POMK: variants seen among roughly 807,000 people sequenced by gnomAD.
POMK encodes protein O-mannose kinase.
POMK carries 19 observed loss-of-function variants against 23.0 expected under a neutral mutation model. The observed-to-expected ratio is 0.83, with a 90% confidence interval of 0.58 to 1.21. The LOEUF (loss-of-function observed/expected upper bound fraction) is 1.21, where lower values mean the gene tolerates loss of function less well. POMK is among the 50% of genes most tolerant of loss of function. The pLI, the probability that POMK is intolerant of heterozygous loss-of-function variation, is 0.00. For synonymous variants in POMK, 173 were observed against 171.6 expected (o/e 1.01, Z -0.06); for missense variants, 410 against 431.3 (o/e 0.95, Z 0.44).
At chr8:43,094,150 G>A (rs1811282897) in intron 1 of POMK, among the ~76,000 whole-genome samples, 1 of 152,210 alleles carries the variant, frequency 6.6e-6, no homozygotes, top group South Asian at 2.1e-4. Context: ...CTGGAGTGTA[G>A]TGGCGCGGTC....
intron 4 of POMK, among the ~76,000 whole-genome samples, chr8:43,114,410 G>C (rs937089584): frequency 6.6e-6 from 1 of 152,210 alleles, no homozygotes; most frequent in South Asian, 2.1e-4. Flanking sequence ...AGGACCCTCC[G>C]AGCCACGTGC....
chr8:43,122,998 A>G lies in POMK; in HGVS notation c.*121A>G, dbSNP rs914043427. ...TTATTGTTTTTTTTATGGCTTAGCC[A>G]TGTGGTTCGTTGTCCACATCCACAT... On this transcript the variant is annotated 3_prime_UTR_variant, in exon 5 of 5. Coordinates refer to ENST00000331373, the MANE Select transcript of POMK (RefSeq NM_032237.5). 6 of 864,142 alleles carry G rather than the reference A, an allele frequency of 6.9e-6. No individual in the cohort carries two copies. The highest frequency in any genetic ancestry group is 1.7e-5 in the African/African-American group (1 of 58,988). The allele number at this position is 864,142 out of a possible 1,614,324, so 53.5% of individuals were successfully genotyped here.
intron 4 of POMK, among the ~76,000 whole-genome samples, chr8:43,109,718 T>G (rs898053279): frequency 1.3e-5 from 2 of 152,000 alleles, no homozygotes; most frequent in African/African-American, 4.8e-5. Context: ...AATTTTTGTA[T>G]TTTTAGTAGA....
rs780450892 is a variant in POMK at position 43,103,608 on chromosome 8, T to C, written c.60T>C (p.Ala20=). The C allele has an allele frequency of 1.9e-6, 3 of 1,612,888 alleles. No homozygotes were observed. Among genetic ancestry groups the C allele is most frequent in the South Asian group, 2.2e-5 (2 of 91,048 alleles). ...TCGCCCCCCGAGAGGTGCCGCCAGC[T>C]GTTGGGCTGCTGCTGATCATGGCCC... ...RGLAPREVPP[A]VGLLLIMALM... Residue 20 remains alanine, a synonymous_variant, in exon 4 of 5, where the codon GCT becomes GCC. Coordinates refer to ENST00000331373, the MANE Select transcript of POMK (RefSeq NM_032237.5).
chr8:43,095,069 T>C (rs1811306119), intron 1 of POMK, among the ~76,000 whole-genome samples: 1 of 152,192 alleles, frequency 6.6e-6, no homozygotes, highest in African/African-American at 2.4e-5. Flanking sequence ...AAGTCTTCTT[T>C]AAGAAACCGG....
At chr8:43,105,140 C>G (rs1811520725) in intron 4 of POMK, among the ~76,000 whole-genome samples, 1 of 152,168 alleles carries the variant, frequency 6.6e-6, no homozygotes, top group Admixed American at 6.5e-5. Flanking sequence ...GTTAGCGGAT[C>G]AGGGCATATC....
intron 2 of POMK, among the ~76,000 whole-genome samples, chr8:43,099,816 G>A (rs1403663243): frequency 6.6e-6 from 1 of 152,134 alleles, no homozygotes; most frequent in African/African-American, 2.4e-5. Flanking sequence ...GGGAACTGGT[G>A]GAAATGCTCT....
At chr8:43,115,598 GC>G (rs1365133199) in intron 4 of POMK, among the ~76,000 whole-genome samples, 5 of 152,190 alleles carry the variant, frequency 3.3e-5, no homozygotes, top group Admixed American at 2.6e-4. Context: ...ACCCAGCCCA[GC>G]CCCCCAAACC....
At chr8:43,121,594 C>T (rs779504756) in intron 4 of POMK, among the ~76,000 whole-genome samples, 7 of 152,194 alleles carry the variant, frequency 4.6e-5, no homozygotes, top group South Asian at 2.1e-4. Context: ...CAGGGCTCTA[C>T]GCCCTCATGT....
intron 1 of POMK, among the ~76,000 whole-genome samples, chr8:43,096,489 G>A (rs1811337409): frequency 6.6e-6 from 1 of 151,996 alleles, no homozygotes; most frequent in Non-Finnish European, 1.5e-5. Flanking sequence ...GTGAAACTCC[G>A]TCTCTATTAA....
intron 4 of POMK, among the ~76,000 whole-genome samples, chr8:43,120,464 G>A (rs1274139160): frequency 6.6e-6 from 1 of 151,630 alleles, no homozygotes; most frequent in Non-Finnish European, 1.5e-5. Flanking sequence ...CAGGTGATCT[G>A]CCTGCCTTGG....
At chr8:43,112,141 C>G (rs185571425) in intron 4 of POMK, among the ~76,000 whole-genome samples, 1 of 152,022 alleles carries the variant, frequency 6.6e-6, no homozygotes, top group African/African-American at 2.4e-5. Context: ...GAAGTTCGAA[C>G]CAATGGGAAA....
chr8:43,105,824 C>G (rs540948707), intron 4 of POMK, among the ~76,000 whole-genome samples: 1 of 151,884 alleles, frequency 6.6e-6, no homozygotes, highest in Non-Finnish European at 1.5e-5. Flanking sequence ...CCACCATGCC[C>G]GGCTAATTTT....
intron 4 of POMK, among the ~76,000 whole-genome samples, chr8:43,105,542 A>G (rs996367488): frequency 6.6e-6 from 1 of 152,276 alleles, no homozygotes; most frequent in African/African-American, 2.4e-5. Flanking sequence ...ATAGTATTCT[A>G]TTTTGTGTAT....
At chr8:43,115,949 C>T (rs1180144236) in intron 4 of POMK, among the ~76,000 whole-genome samples, 1 of 152,226 alleles carries the variant, frequency 6.6e-6, no homozygotes, top group African/African-American at 2.4e-5. Flanking sequence ...TTGGCCCTTG[C>T]TGTTTTCTGT....
At chr8:43,115,676 C>A (rs1811783213) in intron 4 of POMK, among the ~76,000 whole-genome samples, 1 of 152,206 alleles carries the variant, frequency 6.6e-6, no homozygotes, top group Non-Finnish European at 1.5e-5. Context: ...CACACTTGCT[C>A]CCTACCTCTT....
intron 3 of POMK, among the ~76,000 whole-genome samples, 160 bp from the exon 4 acceptor site, chr8:43,103,368 G>T (rs992633947): frequency 6.6e-6 from 1 of 152,126 alleles, no homozygotes; most frequent in Non-Finnish European, 1.5e-5. Context: ...CTAACATTGG[G>T]CATTTGGGAT....
At chr8:43,111,583 C>T (rs1410087465) in intron 4 of POMK, among the ~76,000 whole-genome samples, 3 of 152,222 alleles carry the variant, frequency 2.0e-5, no homozygotes, top group African/African-American at 4.8e-5. Flanking sequence ...GTGGTTCTCC[C>T]AGCATGCAGC....
intron 4 of POMK, among the ~76,000 whole-genome samples, chr8:43,120,534 T>A (rs1394697063): frequency 6.6e-6 from 1 of 152,048 alleles, no homozygotes; most frequent in Non-Finnish European, 1.5e-5. Flanking sequence ...CCATTACTTT[T>A]ATCTGTTATA....
Sources: allele counts gnomAD v4.1 joint callset (sites outside exome capture counted in the v4.1 genomes callset), GRCh38; gene constraint gnomAD v4.1.1; transcripts MANE v1.5; gene names NCBI Gene and HGNC (gene_info 2026-07-23, HGNC 2026-07-21).